MPP7: variants seen among roughly 807,000 people sequenced by gnomAD.
MPP7 encodes the protein MAGUK p55 scaffold protein 7.
MPP7 carries 60 observed loss-of-function variants against 76.5 expected under a neutral mutation model. The ratio of observed to expected loss-of-function variants is 0.78; its 90% CI spans 0.64 to 0.97. The LOEUF (loss-of-function observed/expected upper bound fraction) is 0.97. MPP7 is among the 50% of genes least tolerant of loss of function. The probability of loss-of-function intolerance (pLI) is 0.00; values close to 1 mark genes in which losing one functional copy is unlikely to be tolerated. For synonymous variants in MPP7, 237 were observed against 244.5 expected (o/e 0.97, Z 0.29); for missense variants, 641 against 694.0 (o/e 0.92, Z 0.86).
intron 13 of MPP7, among the ~76,000 whole-genome samples, chr10:28,061,181 A>G (rs530845239): frequency 4.3e-4 from 66 of 152,124 alleles, no homozygotes; most frequent in Non-Finnish European, 8.7e-4. Context: ...AAACAAAACA[A>G]AAAAAACACC....
At chr10:28,136,019 T>C (rs1318782495) in intron 5 of MPP7, among the ~76,000 whole-genome samples, 1 of 152,022 alleles carries the variant, frequency 6.6e-6, no homozygotes, top group Non-Finnish European at 1.5e-5. Context: ...TCCTGTCAGA[T>C]CAGCAGCAGC....
intron 1 of MPP7, among the ~76,000 whole-genome samples, chr10:28,268,717 G>A (rs1011060151): frequency 3.3e-5 from 5 of 150,596 alleles, no homozygotes; most frequent in African/African-American, 4.9e-5. Flanking sequence ...CCTCGATGAC[G>A]GAGTGAGACT....
At position 28,238,657 on chromosome 10, in the gene MPP7, C is replaced by T. The variant is rs375822942; in HGVS notation, c.-53G>A. 9 of 1,595,716 alleles carry T rather than the reference C, an allele frequency of 5.6e-6. No individual in the cohort carries two copies. The highest frequency in any genetic ancestry group is 1.7e-5 in the Admixed American group (1 of 59,794). ...CACCGCTCTCCGGACACCCTGCCTT[C>T]GGACAGCCACAGGGAATTCCAATTC... On this transcript the variant is annotated 5_prime_UTR_variant, in exon 2 of 17. Coordinates refer to ENST00000683449, the MANE Select transcript of MPP7 (RefSeq NM_001318170.2).
intron 8 of MPP7, 63 bp downstream of exon 8, chr10:28,123,968 A>G: frequency 8.9e-7 from 1 of 1,123,106 alleles, no homozygotes; most frequent in Non-Finnish European, 1.4e-6. Context: ...CAAGTCTAAA[A>G]GTCTGAAATA....
upstream of MPP7, chr10:28,334,557 G>C (rs1393802335): frequency 6.6e-6 from 1 of 152,202 alleles, no homozygotes; most frequent in East Asian, 1.9e-4. Flanking sequence ...CAATGTGCTT[G>C]ACGTTTATTT....
chr10:28,165,825 G>A (rs1176590173), intron 3 of MPP7, among the ~76,000 whole-genome samples: 9 of 152,052 alleles, frequency 5.9e-5, no homozygotes, highest in Admixed American at 5.9e-4. Context: ...AGGAGTTCGA[G>A]ACCAGCCTGG....
chr10:28,094,728 G>C (rs1853482476), intron 11 of MPP7, among the ~76,000 whole-genome samples: 1 of 152,156 alleles, frequency 6.6e-6, no homozygotes, highest in Non-Finnish European at 1.5e-5. Context: ...TAAAATTAAA[G>C]CCAGATTTAA....
intron 2 of MPP7, among the ~76,000 whole-genome samples, chr10:28,310,020 TA>T: frequency 6.9e-6 from 1 of 144,242 alleles, no homozygotes; most frequent in Admixed American, 6.9e-5. Context: ...TTTTTTTTTT[TA>T]AACGGAGTCT....
chr10:28,246,773 A>G (rs1839447853), intron 1 of MPP7, among the ~76,000 whole-genome samples: 1 of 152,042 alleles, frequency 6.6e-6, no homozygotes, highest in South Asian at 2.1e-4. Context: ...TGATCCAATT[A>G]CCTCCTACTA....
At chr10:28,296,785 G>A (rs1564763785) in intron 1 of MPP7, among the ~76,000 whole-genome samples, 3 of 152,100 alleles carry the variant, frequency 2.0e-5, no homozygotes, top group Admixed American at 6.6e-5. Context: ...AACATCTTGG[G>A]TTTTTTTGTT....
intron 8 of MPP7, among the ~76,000 whole-genome samples, chr10:28,122,619 G>A (rs906502778): frequency 2.0e-5 from 3 of 152,210 alleles, no homozygotes; most frequent in African/African-American, 7.2e-5. Context: ...GATCAAGCCT[G>A]CCCTGGGCTT....
At position 28,259,362 on chromosome 10, in the gene MPP7, T is replaced by C. The variant is rs551839183; in HGVS notation, c.-131-20627A>G. ...GGGAGGTCTAGGCCAGCGGATTGCT[T>C]GAGCTCAAGAGTTCGAGACCAGCCT... On this transcript the variant is annotated intron_variant, in intron 1 of 16. Coordinates refer to ENST00000683449, the MANE Select transcript of MPP7 (RefSeq NM_001318170.2). 3.3e-5 allele frequency among the ~76,000 whole-genome samples: 5 copies of C among 152,164 alleles called. No individual in the cohort carries two copies. In the East Asian group the frequency reaches 9.7e-4, roughly 29 times the overall value.
chr10:28,059,789 C>T (rs1588708690), intron 13 of MPP7, 46 bp from the exon 14 acceptor site: 1 of 1,264,818 alleles, frequency 7.9e-7, no homozygotes, highest in Non-Finnish European at 1.1e-6. Flanking sequence ...CATCAGCCAC[C>T]TTAAGGAAAA....
chr10:28,300,252 TAATTTAA>T (rs142683307), intron 1 of MPP7, among the ~76,000 whole-genome samples: 14,132 of 152,082 alleles, frequency 0.093, 1,294 homozygotes, highest in East Asian at 0.48. Flanking sequence ...GTGTCATAAT[TAATTTAA>T]AGAAAAAAGT....
chr10:28,120,412 A>G (rs753448515), intron 9 of MPP7, 22 bp from the exon 10 acceptor site: 1 of 1,590,572 alleles, frequency 6.3e-7, no homozygotes, highest in Non-Finnish European at 8.6e-7. Context: ...GTTTCATTAA[A>G]GATGAATAAA....
chr10:28,230,629 C>T (rs1395234425), intron 2 of MPP7, among the ~76,000 whole-genome samples: 6 of 152,078 alleles, frequency 3.9e-5, no homozygotes, highest in Non-Finnish European at 7.4e-5. Context: ...GCCTGGCCAA[C>T]ATGATGAAAC....
intron 12 of MPP7, among the ~76,000 whole-genome samples, chr10:28,080,347 G>A (rs558944249): frequency 4.6e-5 from 7 of 152,138 alleles, no homozygotes; most frequent in Admixed American, 1.3e-4. Context: ...CTAAGTAGAC[G>A]GGGGCATGAG....
chr10:28,262,277 A>ATTT (rs1195166638), intron 1 of MPP7, among the ~76,000 whole-genome samples: 4 of 54,330 alleles, frequency 7.4e-5, no homozygotes, highest in African/African-American at 1.7e-4. Flanking sequence ...ATATATATAT[A>ATTT]TTTTTTTTTT....
rs532529444 is a variant in MPP7 at position 28,314,135 on chromosome 10, C to T, written c.-132+15794G>A. Among the ~76,000 whole-genome samples the T allele has an allele frequency of 7.9e-5, 12 of 152,244 alleles. 1 individual carries two copies. The highest frequency in any genetic ancestry group is 1.2e-4 in the African/African-American group (5 of 41,532). On this transcript the variant is annotated intron_variant, in intron 2 of 11. Coordinates refer to the MPP7 transcript ENST00000441595. ...GTTCTATCAATATTATTATGCATTA[C>T]GATACTTCATCTTAAGTCATTAATA...
Sources: allele counts gnomAD v4.1 joint callset (sites outside exome capture counted in the v4.1 genomes callset), GRCh38; gene constraint gnomAD v4.1.1; transcripts MANE v1.5; gene names NCBI Gene and HGNC (gene_info 2026-07-23, HGNC 2026-07-21).